Variants in UNC13C observed in about 807,000 individuals in gnomAD.
The protein encoded by UNC13C is unc-13 homolog C.
A neutral mutation model predicts 245.4 loss-of-function variants in UNC13C; 174 were observed. The ratio of observed to expected loss-of-function variants is 0.71; its 90% CI spans 0.63 to 0.80. The LOEUF (loss-of-function observed/expected upper bound fraction) is 0.80, where lower values mean the gene tolerates loss of function less well. Among genes scored for constraint, UNC13C ranks in the 30% least tolerant of loss-of-function variants. The pLI, the probability that UNC13C is intolerant of heterozygous loss-of-function variation, is 0.00. For missense variants in UNC13C, 2,829 were observed against 2,602.9 expected (o/e 1.09, Z -1.89); for synonymous variants, 992 against 895.1 (o/e 1.11, Z -1.93).
intron 19 of UNC13C, among the ~76,000 whole-genome samples, chr15:54,490,537 G>T (rs1181511675): frequency 1.3e-5 from 2 of 152,132 alleles, no homozygotes; most frequent in Non-Finnish European, 2.9e-5. Context: ...GAACAAATGG[G>T]TTAAGCAAAT....
At chr15:53,847,187 A>G in the UNC13C span, among the ~76,000 whole-genome samples, 1 of 152,200 alleles carries the variant, frequency 6.6e-6, no homozygotes, top group African/African-American at 2.4e-5. Flanking sequence ...ACTTTCTACA[A>G]ACAAAGTTAA....
At chr15:54,023,582 C>T (rs1410994201) in intron 2 of UNC13C, among the ~76,000 whole-genome samples, 3 of 152,056 alleles carry the variant, frequency 2.0e-5, no homozygotes, top group African/African-American at 7.2e-5. Flanking sequence ...TTGAGAATTA[C>T]AAAATTTTTA....
At chr15:53,878,879 AG>A in the UNC13C span, among the ~76,000 whole-genome samples, 30,987 of 152,104 alleles carry the variant, frequency 0.2, 3,556 homozygotes, top group Non-Finnish European at 0.26. Context: ...ATATGCAGAT[AG>A]AAGCCATTTG....
At chr15:54,614,945 G>A (rs908229050) in intron 30 of UNC13C, among the ~76,000 whole-genome samples, 2 of 152,020 alleles carry the variant, frequency 1.3e-5, no homozygotes, top group Admixed American at 1.3e-4. Flanking sequence ...GCTATCTCCA[G>A]TGAGTTCTGA....
chr15:54,433,422 G>T (rs1206018289), intron 19 of UNC13C, among the ~76,000 whole-genome samples: 2 of 152,020 alleles, frequency 1.3e-5, no homozygotes, highest in Non-Finnish European at 2.9e-5. Flanking sequence ...TGCAAGTCTG[G>T]TTCAACATAT....
chr15:54,108,980 G>A (rs1022410450), intron 2 of UNC13C, among the ~76,000 whole-genome samples: 3 of 152,182 alleles, frequency 2.0e-5, no homozygotes, highest in African/African-American at 4.8e-5. Flanking sequence ...GTGAGAGTCA[G>A]AATCTGGAAC....
At chr15:53,894,949 T>C in the UNC13C span, among the ~76,000 whole-genome samples, 2 of 152,124 alleles carry the variant, frequency 1.3e-5, no homozygotes, top group Non-Finnish European at 2.9e-5. Context: ...TTCCACATAG[T>C]ATTATATTGA....
intron 30 of UNC13C, among the ~76,000 whole-genome samples, chr15:54,605,014 C>T (rs777668730): frequency 1.3e-3 from 205 of 152,266 alleles, no homozygotes; most frequent in Non-Finnish European, 2.4e-3. Context: ...GTAATTTCCT[C>T]ATCTCCAAAG....
intron 17 of UNC13C, among the ~76,000 whole-genome samples, chr15:54,379,399 A>T (rs1451066832): frequency 1.3e-5 from 2 of 152,166 alleles, no homozygotes; most frequent in Non-Finnish European, 2.9e-5. Flanking sequence ...CTCATGACTG[A>T]TACTGGCACC....
intron 17 of UNC13C, among the ~76,000 whole-genome samples, chr15:54,370,356 C>A (rs180977436): frequency 1.3e-5 from 2 of 152,184 alleles, no homozygotes; most frequent in African/African-American, 2.4e-5. Context: ...TCCTGAATCA[C>A]CCTCAAGTGA....
At chr15:54,363,681 G>A (rs8038891) in intron 17 of UNC13C, among the ~76,000 whole-genome samples, 6,139 of 152,244 alleles carry the variant, frequency 0.04, 412 homozygotes, top group African/African-American at 0.14. Context: ...TTGGAGGGGT[G>A]AGACTGGGAG....
the UNC13C span, among the ~76,000 whole-genome samples, chr15:53,965,725 C>T: frequency 2.0e-4 from 31 of 151,870 alleles, no homozygotes; most frequent in Non-Finnish European, 4.1e-4. Context: ...ACTCCCCCTA[C>T]CCCACAACAG....
At chr15:54,544,866 T>A (rs920535165) in intron 26 of UNC13C, among the ~76,000 whole-genome samples, 3 of 152,172 alleles carry the variant, frequency 2.0e-5, no homozygotes, top group African/African-American at 7.2e-5. Flanking sequence ...AAAATGGCCA[T>A]ACTGCCCAAA....
intron 2 of UNC13C, among the ~76,000 whole-genome samples, chr15:54,079,308 C>G (rs773982094): frequency 2.0e-5 from 3 of 151,802 alleles, no homozygotes; most frequent in Non-Finnish European, 4.4e-5. Flanking sequence ...TATTTTAGTT[C>G]CATATTAATT....
chr15:54,176,823 C>A (rs866388289), intron 4 of UNC13C, among the ~76,000 whole-genome samples: 2 of 152,012 alleles, frequency 1.3e-5, no homozygotes, highest in East Asian at 3.8e-4. Context: ...CTGCCTTGCT[C>A]TATGGAACAA....
At chr15:54,507,648 C>T (rs1894532395) in intron 23 of UNC13C, among the ~76,000 whole-genome samples, 1 of 151,776 alleles carries the variant, frequency 6.6e-6, no homozygotes, top group African/African-American at 2.4e-5. Flanking sequence ...ATTAAAATAG[C>T]TTTTTTAGAT....
chr15:54,049,890 G>T (rs992256622), intron 2 of UNC13C: 22 of 232,624 alleles, frequency 9.5e-5, no homozygotes, highest in Non-Finnish European at 7.2e-5. Flanking sequence ...TTCACCAGCA[G>T]ATAAGATTAT....
intron 4 of UNC13C, among the ~76,000 whole-genome samples, chr15:54,170,005 TTTTA>T (rs199559912): frequency 0.092 from 8,260 of 89,468 alleles, 290 homozygotes; most frequent in East Asian, 0.15. Context: ...TTTTTTTTTT[TTTTA>T]AACATCGCTA....
At chr15:54,324,349 A>T (rs569878429) in intron 14 of UNC13C, among the ~76,000 whole-genome samples, 1 of 152,064 alleles carries the variant, frequency 6.6e-6, no homozygotes, top group East Asian at 1.9e-4. Context: ...ACATTTTGAG[A>T]CTCCAAACCA....
Sources: gnomAD v4.1 joint callset for allele counts (sites outside exome capture counted in the v4.1 genomes callset) on GRCh38, gnomAD v4.1.1 for gene constraint, MANE v1.5 for transcripts, NCBI Gene and HGNC (gene_info 2026-07-23, HGNC 2026-07-21) for gene names.